Variants in ZFP64 observed in about 807,000 individuals in gnomAD.
ZFP64 encodes zinc finger protein 64.
ZFP64 carries 14 observed loss-of-function variants against 51.6 expected under a neutral mutation model. The observed-to-expected ratio is 0.27, with a 90% CI of 0.18 to 0.42. The LOEUF is 0.42. ZFP64 is among the 10% of genes least tolerant of loss of function. The probability of loss-of-function intolerance (pLI) is 1.00; values close to 1 mark genes in which losing one functional copy is unlikely to be tolerated. For missense variants in ZFP64, 754 were observed against 906.8 expected, an observed-to-expected ratio of 0.83 and a Z score of 2.16; for synonymous variants, 375 against 361.4, an observed-to-expected ratio of 1.04 and a Z score of -0.43.
intron 6 of ZFP64, chr20:52,098,328 T>G (rs1371950130): frequency 6.8e-7 from 1 of 1,460,352 alleles, no homozygotes; most frequent in Non-Finnish European, 9.3e-7. Context: ...GATACTGGCA[T>G]GTTGTCAGCA....
In ZFP64 at chr20:52,186,893, C is replaced by T; in HGVS notation, c.225G>A (p.Val75=). The change falls in exon 2 of 6, where the codon GTG becomes GTA. Residue 75 remains valine, a synonymous_variant. Coordinates refer to ENST00000216923, the MANE Select transcript of ZFP64 (RefSeq NM_018197.3). ...STVQFVSEET[V]PATQTQTTTR... ...TGGTGGTCTGAGTCTGGGTGGCAGG[C>T]ACTGTTTCCTCCGATACAAACTGGA... 1 of 1,613,900 alleles carries T rather than the reference C, an allele frequency of 6.2e-7. No homozygotes were observed. Among genetic ancestry groups the T allele is most frequent in the Admixed American group, 1.7e-5 (1 of 60,020 alleles).
intron 5 of ZFP64, among the ~76,000 whole-genome samples, chr20:52,101,759 T>C (rs2079052944): frequency 6.6e-6 from 1 of 151,704 alleles, no homozygotes; most frequent in Non-Finnish European, 1.5e-5. Context: ...GCTGTATTAC[T>C]TGTAAGTCCT....
chr20:52,111,379 G>A (rs1978572404), intron 5 of ZFP64, among the ~76,000 whole-genome samples: 1 of 151,800 alleles, frequency 6.6e-6, no homozygotes, highest in African/African-American at 2.4e-5. Flanking sequence ...ACCACGCCCA[G>A]CTAATTTTGT....
intron 5 of ZFP64, among the ~76,000 whole-genome samples, chr20:52,144,536 C>T (rs1160378562): frequency 4.7e-5 from 6 of 128,338 alleles, no homozygotes; most frequent in South Asian, 2.5e-4. Context: ...GCCGAGATCG[C>T]GCCACTGCAC....
In ZFP64 at chr20:52,097,267, G is replaced by A. The variant is rs2078998494; in HGVS notation, c.976+106C>T. Reference sequence around the variant, plus strand: ...CACCCCACTAGACTGAGTTTCATGAGGCAGATGAGGCAGAGACTGTCCTGT... The same window carrying A: ...CACCCCACTAGACTGAGTTTCATGAAGCAGATGAGGCAGAGACTGTCCTGT... On this transcript the variant is annotated intron_variant, in intron 7 of 8. Coordinates refer to the ZFP64 transcript ENST00000361387. The A allele has an allele frequency of 3.3e-5, 44 of 1,324,426 alleles. No homozygotes were observed. In the South Asian group the frequency reaches 5.2e-4, roughly 16 times the overall value. The allele number at this position is 1,324,426 out of a possible 1,614,324, so 82.0% of individuals were successfully genotyped here. A position where few individuals can be genotyped will look rare whatever the true frequency, so the allele number is the denominator to read the frequency against.
chr20:52,109,833 T>G (rs1352380061), intron 5 of ZFP64, among the ~76,000 whole-genome samples: 2 of 149,234 alleles, frequency 1.3e-5, no homozygotes, highest in Non-Finnish European at 3.0e-5. Context: ...TTTAAACACG[T>G]AGACTGAGGT....
chr20:52,136,624 C>T (rs1442942935), intron 5 of ZFP64, among the ~76,000 whole-genome samples: 1 of 152,046 alleles, frequency 6.6e-6, no homozygotes, highest in African/African-American at 2.4e-5. Context: ...TTTAAAAATT[C>T]ATAATCATAA....
At chr20:52,090,558 TG>T (rs1277771137) in intron 7 of ZFP64, among the ~76,000 whole-genome samples, 1 of 151,996 alleles carries the variant, frequency 6.6e-6, no homozygotes, top group Non-Finnish European at 1.5e-5. Flanking sequence ...CCCAGCACTT[TG>T]GGGGGCCAAG....
downstream of ZFP64, among the ~76,000 whole-genome samples, chr20:52,146,744 T>C (rs1980549464): frequency 2.0e-5 from 3 of 152,172 alleles, no homozygotes; most frequent in Admixed American, 2.0e-4. Flanking sequence ...AAAAGAAATG[T>C]TTCAGCTCCA....
In ZFP64 at chr20:52,152,576, C is replaced by T. The variant is rs1402140728; in HGVS notation, c.1616G>A (p.Arg539Gln). The change falls in exon 6 of 6, where the codon CGG becomes CAG. Residue 539 changes from arginine (R) to glutamine (Q), a missense_variant. Arg to Gln is a conservative substitution (Grantham distance 43, BLOSUM62 1). Transcript: ENST00000216923. ...QNPEELPGNS[R>Q]LQILRQVSLI... ...ACTGACCTGGCGCAGGATCTGCAGC[C>T]GGCTGTTCCCTGGGAGTTCCTCTGG... 2.6e-6 allele frequency: 4 copies of T among 1,557,832 alleles called. No homozygotes were observed. The highest frequency in any genetic ancestry group is 2.2e-5 in the East Asian group (1 of 44,450).
intron 1 of ZFP64, among the ~76,000 whole-genome samples, chr20:52,190,504 T>A (rs1229503002): frequency 1.3e-5 from 2 of 152,086 alleles, no homozygotes; most frequent in African/African-American, 2.4e-5. Flanking sequence ...GGGCTTGTTA[T>A]GAGAATTAAA....
At chr20:52,172,786 T>C (rs1362257330) in intron 2 of ZFP64, among the ~76,000 whole-genome samples, 1 of 152,090 alleles carries the variant, frequency 6.6e-6, no homozygotes, top group African/African-American at 2.4e-5. Flanking sequence ...GCCTCCTGTT[T>C]AGTGAGATCA....
At chr20:52,097,926 G>A (rs183614448) in intron 6 of ZFP64, among the ~76,000 whole-genome samples, 1 of 151,856 alleles carries the variant, frequency 6.6e-6, no homozygotes, top group Admixed American at 6.5e-5. Context: ...AAATTAGCCA[G>A]ACATGGTGGT....
intron 1 of ZFP64, among the ~76,000 whole-genome samples, chr20:52,187,662 A>G (rs1400676610): frequency 1.3e-5 from 2 of 152,004 alleles, no homozygotes; most frequent in African/African-American, 4.8e-5. Context: ...ATTATGATGC[A>G]TAATTTTATC....
intron 2 of ZFP64, among the ~76,000 whole-genome samples, chr20:52,179,912 C>G (rs191477111): frequency 6.6e-6 from 1 of 152,282 alleles, no homozygotes; most frequent in Admixed American, 6.5e-5. Flanking sequence ...CTAGACAGAG[C>G]AAGACTCAAA....
chr20:52,137,758 A>G (rs1425481611), intron 5 of ZFP64, among the ~76,000 whole-genome samples: 3 of 152,214 alleles, frequency 2.0e-5, no homozygotes, highest in Non-Finnish European at 2.9e-5. Context: ...TGGCGGCTGT[A>G]GAAGATGAAG....
At chr20:52,097,349 C>A (rs745620647) in intron 7 of ZFP64, 2 of 1,607,068 alleles carry the variant, frequency 1.2e-6, no homozygotes, top group Non-Finnish European at 1.7e-6. Context: ...TCTTACTGAG[C>A]TGTTGAACAG....
At chr20:52,133,621 A>G (rs555672284) in intron 5 of ZFP64, among the ~76,000 whole-genome samples, 3 of 152,306 alleles carry the variant, frequency 2.0e-5, no homozygotes, top group East Asian at 3.9e-4. Flanking sequence ...ATAGCCACAC[A>G]CAAAATTAAA....
chr20:52,148,552 T>C (rs1218465544), downstream of ZFP64, among the ~76,000 whole-genome samples: 1 of 152,038 alleles, frequency 6.6e-6, no homozygotes, highest in East Asian at 1.9e-4. Flanking sequence ...AATACAAAAA[T>C]TAGCCAGGTG....
Sources: gnomAD v4.1 joint callset for allele counts (sites outside exome capture counted in the v4.1 genomes callset) on GRCh38, gnomAD v4.1.1 for gene constraint, MANE v1.5 for transcripts, NCBI Gene and HGNC (gene_info 2026-07-23, HGNC 2026-07-21) for gene names.